The following SLC28A1 variants were observed in gnomAD, a reference collection of about 807,000 sequenced individuals.
SLC28A1 encodes the protein sodium/nucleoside cotransporter 1.
SLC28A1 carries 64 observed loss-of-function variants against 74.8 expected under a neutral mutation model. The observed-to-expected ratio is 0.86, with a 90% CI of 0.70 to 1.05. The LOEUF (loss-of-function observed/expected upper bound fraction) is 1.05, where lower values mean the gene tolerates loss of function less well. Ranked by LOEUF, SLC28A1 falls within the 50% of genes least tolerant of loss-of-function variation. The pLI is 0.00. For missense variants in SLC28A1, 828 were observed against 822.8 expected (o/e 1.01, Z -0.08); for synonymous variants, 359 against 335.0 (o/e 1.07, Z -0.78).
intron 12 of SLC28A1, 83 bp from the exon 13 acceptor site, chr15:84,933,062 C>CCCT: frequency 7.2e-7 from 1 of 1,397,752 alleles, no homozygotes; most frequent in Non-Finnish European, 1.0e-6. Flanking sequence ...TACACATGTG[C>CCCT]CCTTGCTGCC....
downstream of SLC28A1, among the ~76,000 whole-genome samples, chr15:84,946,582 G>A (rs549614533): frequency 2.0e-5 from 3 of 152,222 alleles, no homozygotes; most frequent in South Asian, 2.1e-4. Context: ...TGGTATAGGG[G>A]TGCCCCGAGC....
chr15:84,962,033 T>C, the SLC28A1 span, among the ~76,000 whole-genome samples: 1 of 152,198 alleles, frequency 6.6e-6, no homozygotes, highest in African/African-American at 2.4e-5. Flanking sequence ...TTGGTGGGTC[T>C]TTCTGTCTTT....
Position 84,908,714 on chromosome 15 carries a change from T to G in SLC28A1, c.718-4T>G, listed in dbSNP as rs2141823740. 1 of 1,613,094 alleles carries G rather than the reference T, an allele frequency of 6.2e-7. No homozygotes were observed. On this transcript the variant is annotated splice_polypyrimidine_tract_variant and splice_region_variant and intron_variant, in intron 8 of 18. Coordinates refer to ENST00000394573, the MANE Select transcript of SLC28A1 (RefSeq NM_004213.5). ...TTTTTGTTTGTTTTGCTTTTTTCTT[T>G]CAGATCTTCCTGAGCTACACGAAGG...
chr15:84,916,326 C>A (rs992501218), intron 9 of SLC28A1, among the ~76,000 whole-genome samples: 3 of 149,466 alleles, frequency 2.0e-5, no homozygotes, highest in Non-Finnish European at 3.0e-5. Flanking sequence ...ACTGCAGCCT[C>A]GAACTCCTGG....
At chr15:84,894,844 C>T in intron 5 of SLC28A1, 96 bp from the exon 6 acceptor site, 3 of 1,245,790 alleles carry the variant, frequency 2.4e-6, no homozygotes, top group East Asian at 2.3e-5. Flanking sequence ...GCCCTCCACG[C>T]TCTGGGTGGA....
At position 84,884,712 on chromosome 15, in the gene SLC28A1, T is replaced by G; in HGVS notation, c.-172T>G. On this transcript the variant is annotated 5_prime_UTR_variant, in exon 1 of 19. Coordinates refer to ENST00000394573, the MANE Select transcript of SLC28A1 (RefSeq NM_004213.5). ...ACTGCATGGTTGCTGCTGGATGTGTTGTGTTCCTGGCTTCCCTCTGGATGC... is the reference window on the plus strand; with the variant it reads ...ACTGCATGGTTGCTGCTGGATGTGTGGTGTTCCTGGCTTCCCTCTGGATGC... The G allele has an allele frequency of 3.0e-6, 3 of 985,674 alleles. No individual in the cohort carries two copies. Among genetic ancestry groups the G allele is most frequent in the Non-Finnish European group, 3.6e-6 (3 of 830,038 alleles). The allele number at this position is 985,674 out of a possible 1,614,324, so 61.1% of individuals were successfully genotyped here.
chr15:84,971,797 G>A, the SLC28A1 span, among the ~76,000 whole-genome samples: 56 of 152,172 alleles, frequency 3.7e-4, no homozygotes, highest in South Asian at 4.6e-3. Context: ...CGCCAGGCAC[G>A]TGCCTCCATA....
chr15:84,928,716 C>A (rs778673577), intron 12 of SLC28A1, among the ~76,000 whole-genome samples: 1 of 150,806 alleles, frequency 6.6e-6, no homozygotes, highest in East Asian at 1.9e-4. Flanking sequence ...CTCCACCTCC[C>A]AGGTTCAAGC....
At chr15:84,928,527 GTTCTTTCTTTCT>G (rs1200042713) in intron 12 of SLC28A1, among the ~76,000 whole-genome samples, 2,951 of 47,222 alleles carry the variant, frequency 0.062, 729 homozygotes, top group Middle Eastern at 0.08. Flanking sequence ...AGGTTCGTTC[GTTCTTTCTTTCT>G]TTCTTTCTTT....
At chr15:84,886,029 T>C in intron 1 of SLC28A1, 2 of 508,012 alleles carry the variant, frequency 3.9e-6, no homozygotes, top group Non-Finnish European at 5.1e-6. Flanking sequence ...GTACCATTAA[T>C]TATTAAAGAG....
At chr15:84,907,836 A>C (rs1967471026) in intron 8 of SLC28A1, among the ~76,000 whole-genome samples, 1 of 151,096 alleles carries the variant, frequency 6.6e-6, no homozygotes, top group African/African-American at 2.5e-5. Flanking sequence ...TGCTGGCCTC[A>C]CTGACAGTAA....
intron 7 of SLC28A1, among the ~76,000 whole-genome samples, 188 bp downstream of exon 7, chr15:84,904,426 C>A (rs1966860380): frequency 6.6e-6 from 1 of 152,136 alleles, no homozygotes; most frequent in Non-Finnish European, 1.5e-5. Context: ...AAATCCCCAG[C>A]AGGGATGTCT....
the SLC28A1 span, among the ~76,000 whole-genome samples, chr15:84,962,881 G>A: frequency 6.6e-6 from 1 of 152,188 alleles, no homozygotes; most frequent in African/African-American, 2.4e-5. Flanking sequence ...TACACTCAGG[G>A]AGAGTGGATC....
At chr15:84,919,155 C>T (rs900964417) in intron 10 of SLC28A1, among the ~76,000 whole-genome samples, 4 of 152,086 alleles carry the variant, frequency 2.6e-5, no homozygotes, top group Admixed American at 6.6e-5. Context: ...TAATTTATAC[C>T]GAAAAGATAT....
chr15:84,908,687 T>C, intron 8 of SLC28A1, 31 bp from the exon 9 acceptor site: 2 of 1,589,892 alleles, frequency 1.3e-6, no homozygotes, highest in Non-Finnish European at 1.7e-6. Context: ...CCTCACTGCC[T>C]GTTTTTGTTT....
Position 84,904,211 on chromosome 15 carries a change from C to T in SLC28A1, c.576C>T (p.Leu192=). Residue 192 remains leucine (L), a synonymous_variant, in exon 7 of 19, where the codon CTC becomes CTT. Transcript: ENST00000394573. ...FAGICVFVAL[L]FACSKHHCAV... ...GAATCTGCGTGTTCGTCGCTCTCCT[C>T]TTTGCCTGCTCAAAGCATCATTGCG... 1 of 1,614,122 alleles carries T rather than the reference C, an allele frequency of 6.2e-7. No homozygotes were observed. Among genetic ancestry groups the T allele is most frequent in the Admixed American group, 1.7e-5 (1 of 60,030 alleles).
chr15:84,932,224 TGACGAC>T (rs1259741916), intron 12 of SLC28A1, among the ~76,000 whole-genome samples: 70 of 152,306 alleles, frequency 4.6e-4, no homozygotes, highest in African/African-American at 1.7e-3. Context: ...AATGACAGCC[TGACGAC>T]GCTTAGCCGG....
chr15:84,896,969 G>A (rs1567126035), intron 6 of SLC28A1, among the ~76,000 whole-genome samples: 1 of 152,164 alleles, frequency 6.6e-6, no homozygotes, highest in Non-Finnish European at 1.5e-5. Context: ...AGGGCGGATG[G>A]GAAGAGGAGG....
chr15:84,923,269 C>G (rs569853672), intron 11 of SLC28A1, among the ~76,000 whole-genome samples: 1 of 152,234 alleles, frequency 6.6e-6, no homozygotes, highest in East Asian at 1.9e-4. Context: ...AACCAGTAGG[C>G]ATTATCACAC....
Sources: gnomAD v4.1 joint callset for allele counts (sites outside exome capture counted in the v4.1 genomes callset) on GRCh38, gnomAD v4.1.1 for gene constraint, MANE v1.5 for transcripts, NCBI Gene and HGNC (gene_info 2026-07-23, HGNC 2026-07-21) for gene names.